TMPRSS15: variants seen among roughly 807,000 people sequenced by gnomAD.
The protein encoded by TMPRSS15 is transmembrane serine protease 15.
A neutral mutation model predicts 125.3 loss-of-function variants in TMPRSS15; 128 were observed. The ratio of observed to expected loss-of-function variants is 1.02; its 90% CI spans 0.89 to 1.18. The LOEUF is 1.18. Among genes scored for constraint, TMPRSS15 ranks in the 50% most tolerant of loss-of-function variants. The probability of loss-of-function intolerance (pLI) is 0.00; values close to 1 mark genes in which losing one functional copy is unlikely to be tolerated. For missense variants in TMPRSS15, 1,283 were observed against 1,212.7 expected (o/e 1.06, Z -0.86); for synonymous variants, 446 against 423.2 (o/e 1.05, Z -0.66).
chr21:18,312,687 A>G lies in TMPRSS15; in HGVS notation c.2165+258T>C, dbSNP rs540278895. Among the ~76,000 whole-genome samples, 9 of 152,030 alleles carry G rather than the reference A, an allele frequency of 5.9e-5. No individual in the cohort carries two copies. In the South Asian group the frequency reaches 1.9e-3, roughly 32 times the overall value. ...ATAAAATCATGAGAAATGCCCACAC[A>G]TAAGTATTTTGTATAACAGAGTATA... On this transcript the variant is annotated intron_variant, in intron 18 of 24. Transcript: ENST00000284885.
intron 17 of TMPRSS15, among the ~76,000 whole-genome samples, chr21:18,314,122 C>T (rs1165521297): frequency 3.8e-5 from 4 of 106,124 alleles, no homozygotes; most frequent in South Asian, 7.3e-4. Flanking sequence ...ACATTGTTTA[C>T]CTTTTTTTTC....
At chr21:18,478,379 CAACTTTTCATTTTGGAATT>C (rs779740699) in intron 1 of TMPRSS15, among the ~76,000 whole-genome samples, 13 of 151,924 alleles carry the variant, frequency 8.6e-5, no homozygotes, top group Non-Finnish European at 1.6e-4. Flanking sequence ...TTGTTTAAGA[CAACTTTTCATTTTGGAATT>C]AATTTATACT....
chr21:18,405,413 CAG>C (rs1212671817), upstream of TMPRSS15, among the ~76,000 whole-genome samples: 2 of 152,042 alleles, frequency 1.3e-5, no homozygotes, highest in African/African-American at 4.8e-5. Context: ...ATTAAACAAA[CAG>C]ATGAATGTGA....
chr21:18,462,351 A>G (rs1978567032), intron 1 of TMPRSS15, among the ~76,000 whole-genome samples: 2 of 152,148 alleles, frequency 1.3e-5, no homozygotes, highest in South Asian at 4.1e-4. Flanking sequence ...AGAAAGTGTG[A>G]TGTAGACTAG....
At position 18,372,198 on chromosome 21, in the gene TMPRSS15, A is replaced by G. The variant is rs2075798722; in HGVS notation, c.659T>C (p.Met220Thr). Residue 220 changes from methionine (M) to threonine (T), a missense_variant, in exon 6 of 25, where the codon ATG (methionine) becomes ACG (threonine). Coordinates refer to ENST00000284885, the MANE Select transcript of TMPRSS15 (RefSeq NM_002772.3). ...GAGTAGGGGGGAGAACTTACCACAC[A>G]TTTTATTGTCTTCGTCAGAACCATC... ...CPDGSDEDNKMCATVCDGRFL... is the reference protein window; with the variant it reads ...CPDGSDEDNKTCATVCDGRFL... 6.2e-7 allele frequency: 1 copy of G among 1,610,636 alleles called. No homozygotes were observed. Among genetic ancestry groups the G allele is most frequent in the East Asian group, 2.2e-5 (1 of 44,642 alleles).
Position 18,343,917 on chromosome 21 carries a change from T to TA in TMPRSS15, c.1277+37dup, listed in dbSNP as rs754554677. The stretch of plus-strand genomic sequence containing the variant: ...GCCTGAGCAAGGCAATGTTACCCAT[T>TA]AAAAAAGACAGCGTTTAAACAGGTG... On this transcript the variant is annotated intron_variant, in intron 11 of 24. Coordinates refer to ENST00000284885, the MANE Select transcript of TMPRSS15 (RefSeq NM_002772.3). The TA allele has an allele frequency of 3.8e-6, 6 of 1,573,642 alleles. No individual in the cohort carries two copies. The South Asian group carries it at 4.4e-5, about 12-fold the overall frequency.
intron 7 of TMPRSS15, among the ~76,000 whole-genome samples, chr21:18,364,660 T>G (rs2075708957): frequency 6.6e-6 from 1 of 152,158 alleles, no homozygotes; most frequent in African/African-American, 2.4e-5. Flanking sequence ...TATTGACTGA[T>G]CCAAATGTCT....
At chr21:18,383,545 T>G (rs1007503275) in intron 4 of TMPRSS15, 82 bp downstream of exon 4, 1 of 1,505,026 alleles carries the variant, frequency 6.6e-7, no homozygotes, top group African/African-American at 1.4e-5. Flanking sequence ...CAAGCATGAT[T>G]CCACTTCCTC....
intron 5 of TMPRSS15, among the ~76,000 whole-genome samples, chr21:18,374,969 C>T (rs1308038630): frequency 2.6e-5 from 4 of 152,042 alleles, no homozygotes; most frequent in African/African-American, 9.7e-5. Context: ...TACTAATGGC[C>T]ATTAGTCGCA....
At chr21:18,388,511 G>T (rs764606435) in intron 3 of TMPRSS15, among the ~76,000 whole-genome samples, 30 of 151,988 alleles carry the variant, frequency 2.0e-4, no homozygotes, top group Non-Finnish European at 1.9e-4. Context: ...AAACATAAAG[G>T]GTTCCATTAG....
chr21:18,337,772 T>A (rs1234337473), intron 13 of TMPRSS15, among the ~76,000 whole-genome samples: 1 of 152,212 alleles, frequency 6.6e-6, no homozygotes, highest in East Asian at 1.9e-4. Flanking sequence ...TCAGCCATGG[T>A]TTCCTTTTAT....
intron 1 of TMPRSS15, among the ~76,000 whole-genome samples, chr21:18,412,265 A>AT (rs1284298351): frequency 6.6e-6 from 1 of 152,140 alleles, no homozygotes; most frequent in Non-Finnish European, 1.5e-5. Context: ...AGATTTTCTC[A>AT]ATGCTCTTTT....
At chr21:18,360,778 A>G (rs559448180) in intron 7 of TMPRSS15, among the ~76,000 whole-genome samples, 1 of 151,972 alleles carries the variant, frequency 6.6e-6, no homozygotes, top group East Asian at 1.9e-4. Flanking sequence ...TTGTGATTCC[A>G]TATACATTTT....
intron 17 of TMPRSS15, among the ~76,000 whole-genome samples, chr21:18,314,452 AT>A (rs563548881): frequency 1.0e-3 from 158 of 152,048 alleles, no homozygotes; most frequent in African/African-American, 3.3e-3. Context: ...CAAATTTCGT[AT>A]TTTTAGTAGA....
intron 21 of TMPRSS15, among the ~76,000 whole-genome samples, chr21:18,282,629 A>G (rs1291783414): frequency 6.6e-6 from 1 of 152,246 alleles, no homozygotes; most frequent in Non-Finnish European, 1.5e-5. Context: ...ACCACATTGC[A>G]TTAGAACTTG....
intron 18 of TMPRSS15, among the ~76,000 whole-genome samples, chr21:18,312,074 T>C (rs1428004325): frequency 6.6e-6 from 1 of 152,128 alleles, no homozygotes; most frequent in Admixed American, 6.6e-5. Context: ...TTAAATGATA[T>C]AGTGTTATAA....
At chr21:18,383,799 T>C in intron 3 of TMPRSS15, 21 bp from the exon 4 acceptor site, 1 of 1,610,202 alleles carries the variant, frequency 6.2e-7, no homozygotes. Context: ...AAAGAGGATA[T>C]AAGAGGAAAA....
intron 12 of TMPRSS15, 81 bp downstream of exon 12, chr21:18,343,425 A>G (rs1001871620): frequency 1.5e-6 from 2 of 1,299,238 alleles, no homozygotes; most frequent in African/African-American, 3.0e-5. Flanking sequence ...AAATACATTA[A>G]TTTTTTCACT....
chr21:18,387,001 C>T (rs1301169758), intron 3 of TMPRSS15, among the ~76,000 whole-genome samples: 3 of 152,156 alleles, frequency 2.0e-5, no homozygotes, highest in African/African-American at 4.8e-5. Flanking sequence ...GTGAATTATG[C>T]ATTACATTTA....
Sources: gnomAD v4.1 joint callset for allele counts (sites outside exome capture counted in the v4.1 genomes callset) on GRCh38, gnomAD v4.1.1 for gene constraint, MANE v1.5 for transcripts, NCBI Gene and HGNC (gene_info 2026-07-23, HGNC 2026-07-21) for gene names.